The following CMTM4 variants were observed in gnomAD, a reference collection of about 807,000 sequenced individuals.
CMTM4 encodes the protein CKLF like MARVEL transmembrane domain containing 4.
In CMTM4, 8 loss-of-function variants were observed where a neutral mutation model predicts 19.0. That is an observed-to-expected ratio of 0.42 (90% confidence interval 0.25 to 0.76). CMTM4 has a LOEUF of 0.76. Among genes scored for constraint, CMTM4 ranks in the 30% least tolerant of loss-of-function variants. The pLI is 0.27. For missense variants in CMTM4, 228 were observed against 290.2 expected (o/e 0.79, Z 1.56); for synonymous variants, 106 against 121.1 (o/e 0.88, Z 0.82).
intron 2 of CMTM4, among the ~76,000 whole-genome samples, chr16:66,629,544 T>C (rs1192307475): frequency 1.3e-5 from 2 of 152,196 alleles, no homozygotes. Context: ...ATCAAATCCT[T>C]GAATCTCTTG....
intron 2 of CMTM4, among the ~76,000 whole-genome samples, chr16:66,629,345 T>C (rs1002623645): frequency 6.6e-6 from 1 of 152,122 alleles, no homozygotes; most frequent in African/African-American, 2.4e-5. Context: ...AAAGGGACAA[T>C]TATAATGTTG....
rs1403485819 is a variant in CMTM4 at position 66,617,477 on chromosome 16, G to A, written c.*4581C>T. The stretch of plus-strand genomic sequence containing the variant: ...CCCACTCCGCTTCAAGCTAAAGAGT[G>A]TACAAAATGCCACTCACTTGCATGA... On this transcript the variant is annotated 3_prime_UTR_variant, in exon 4 of 4. Coordinates refer to ENST00000394106, the MANE Select transcript of CMTM4 (RefSeq NM_181521.3). The A allele has an allele frequency of 2.1e-6, 3 of 1,447,108 alleles. No individual in the cohort carries two copies. The highest frequency in any genetic ancestry group is 1.8e-6 in the Non-Finnish European group (2 of 1,103,320). 89.6% of individuals were successfully genotyped at this position (1,447,108 alleles called of 1,614,324 possible).
chr16:66,624,058 C>G (rs1329851967), intron 2 of CMTM4, among the ~76,000 whole-genome samples: 2 of 152,212 alleles, frequency 1.3e-5, no homozygotes, highest in Admixed American at 1.3e-4. Flanking sequence ...ACAGATTTAG[C>G]TCGTCTTATT....
At chr16:66,632,293 A>G (rs1018727935) in intron 2 of CMTM4, among the ~76,000 whole-genome samples, 3 of 152,312 alleles carry the variant, frequency 2.0e-5, no homozygotes, top group Admixed American at 1.3e-4. Context: ...GCTCCTGACC[A>G]GGGGACTTTC....
chr16:66,664,024 G>A (rs1280545910), intron 1 of CMTM4, among the ~76,000 whole-genome samples: 2 of 152,046 alleles, frequency 1.3e-5, no homozygotes, highest in African/African-American at 4.8e-5. Flanking sequence ...CCTGAGCTCA[G>A]GAGTTTGAGA....
chr16:66,624,318 C>T (rs1398007229), intron 2 of CMTM4, among the ~76,000 whole-genome samples: 1 of 152,216 alleles, frequency 6.6e-6, no homozygotes, highest in Non-Finnish European at 1.5e-5. Flanking sequence ...ATGAGGCACC[C>T]AGTAGCCTGG....
chr16:66,609,757 A>AG, downstream of CMTM4: 1 of 1,594,538 alleles, frequency 6.3e-7, no homozygotes, highest in Non-Finnish European at 8.5e-7. The surrounding 1 kb of genome is among the most constrained non-coding windows in gnomAD (Gnocchi z 4.4). Context: ...CGTTACTCAC[A>AG]GGGGTCTGTG....
At chr16:66,652,915 A>C (rs1042493045) in intron 1 of CMTM4, among the ~76,000 whole-genome samples, 3 of 152,228 alleles carry the variant, frequency 2.0e-5, no homozygotes, top group Non-Finnish European at 4.4e-5. Flanking sequence ...TCAAATTTTC[A>C]GACCGTTTAA....
chr16:66,638,022 CTGCTGAAAG>C (rs1315359001), intron 1 of CMTM4, among the ~76,000 whole-genome samples: 1 of 152,236 alleles, frequency 6.6e-6, no homozygotes, highest in Admixed American at 6.5e-5. Context: ...CTTTCTCCAC[CTGCTGAAAG>C]TCCTACTCAT....
intron 1 of CMTM4, among the ~76,000 whole-genome samples, chr16:66,683,286 CTTTTTTTTTTTTT>C (rs781263895): frequency 1.3e-5 from 1 of 78,840 alleles, no homozygotes; most frequent in Non-Finnish European, 2.4e-5. Context: ...TTTTTCTTTT[CTTTTTTTTTTTTT>C]TTTTTTTTTT....
At chr16:66,673,739 C>T (rs568854169) in intron 1 of CMTM4, among the ~76,000 whole-genome samples, 8 of 152,362 alleles carry the variant, frequency 5.3e-5, no homozygotes, top group Admixed American at 1.3e-4. Flanking sequence ...GTATTTTCCT[C>T]AGCCAGTGTT....
chr16:66,645,240 C>A (rs1257753645), intron 1 of CMTM4, among the ~76,000 whole-genome samples: 3 of 151,608 alleles, frequency 2.0e-5, no homozygotes, highest in Non-Finnish European at 4.4e-5. Context: ...ACTGAGATTG[C>A]GTCACTGCAC....
downstream of CMTM4, chr16:66,610,063 G>A: frequency 1.9e-6 from 3 of 1,597,378 alleles, no homozygotes; most frequent in Non-Finnish European, 2.6e-6. The surrounding 1 kb of genome is among the most constrained non-coding windows in gnomAD (Gnocchi z 4.6). Flanking sequence ...CTCCCTCGGG[G>A]ATGCCAGCTA....
At chr16:66,604,963 C>A in the CMTM4 span, 16 of 1,488,514 alleles carry the variant, frequency 1.1e-5, no homozygotes, top group South Asian at 1.9e-4. Flanking sequence ...GTGAGTGCGG[C>A]GGGACCCTCG....
At chr16:66,604,445 A>G in the CMTM4 span, 2 of 181,430 alleles carry the variant, frequency 1.1e-5, no homozygotes, top group Non-Finnish European at 2.3e-5. Context: ...GACCGGAGAC[A>G]GCGAGTATAG....
At chr16:66,637,554 G>C (rs2016018757) in intron 1 of CMTM4, among the ~76,000 whole-genome samples, 1 of 152,056 alleles carries the variant, frequency 6.6e-6, no homozygotes, top group African/African-American at 2.4e-5. Context: ...CAAAAAAAAA[G>C]AATAAATTTT....
At chr16:66,663,532 CTTTTTTTTTTTTTTT>C (rs1178140315) in intron 1 of CMTM4, among the ~76,000 whole-genome samples, 1 of 55,256 alleles carries the variant, frequency 1.8e-5, no homozygotes, top group African/African-American at 6.8e-5. Context: ...TTTTCATTTG[CTTTTTTTTTTTTTTT>C]TTTTTTTTTT....
chr16:66,680,800 A>C (rs111790116), intron 1 of CMTM4, among the ~76,000 whole-genome samples: 5,369 of 145,702 alleles, frequency 0.037, 226 homozygotes, highest in East Asian at 0.13. Flanking sequence ...AAAAAAAAAA[A>C]CCATAATGGC....
the CMTM4 span, chr16:66,605,014 C>A: frequency 7.4e-7 from 1 of 1,344,838 alleles, no homozygotes; most frequent in Non-Finnish European, 9.6e-7. This position sits in a 1 kb window ranked among gnomAD's most constrained non-coding sequence, Gnocchi z 4.6. Flanking sequence ...CGGAGGAGGA[C>A]GTCGGGGCGC....
Sources: allele counts gnomAD v4.1 joint callset (sites outside exome capture counted in the v4.1 genomes callset), GRCh38; gene constraint gnomAD v4.1.1; non-coding constraint Gnocchi (gnomAD v3.1); transcripts MANE v1.5; gene names NCBI Gene and HGNC (gene_info 2026-07-23, HGNC 2026-07-21).